Variants in ABCA8 observed in about 807,000 individuals in gnomAD.
ABCA8 encodes the protein ABC-type organic anion transporter ABCA8.
ABCA8 carries 177 observed loss-of-function variants against 192.3 expected under a neutral mutation model. That is an observed-to-expected ratio of 0.92 (90% CI 0.81 to 1.04). The LOEUF (loss-of-function observed/expected upper bound fraction) is 1.04. ABCA8 is among the 50% of genes least tolerant of loss of function. The pLI is 0.00. For missense variants in ABCA8, 1,915 were observed against 1,904.8 expected, an observed-to-expected ratio of 1.01 and a Z score of -0.10; for synonymous variants, 642 against 690.2, an observed-to-expected ratio of 0.93 and a Z score of 1.09.
Position 68,922,345 on chromosome 17 carries a change from T to C in ABCA8, c.1443-45A>G, listed in dbSNP as rs771983978. On this transcript the variant is annotated intron_variant, in intron 11 of 39. Transcript: ENST00000586539. ...CTTCAAAGTGACAATTTTCTTCAGT[T>C]TGTAATTTCCAGTTTGGTAGACAGG... 2.7e-5 allele frequency: 34 copies of C among 1,274,574 alleles called. No homozygotes were observed. The East Asian group carries it at 9.9e-4, about 37-fold the overall frequency. 79.0% of individuals were successfully genotyped at this position (1,274,574 alleles called of 1,614,324 possible). A position where few individuals can be genotyped will look rare whatever the true frequency, so the allele number is the denominator to read the frequency against.
Position 68,918,453 on chromosome 17 carries a change from C to G in ABCA8, c.1882G>C (p.Gly628Arg), listed in dbSNP as rs1469559634. The G allele has an allele frequency of 1.3e-6, 2 of 1,572,190 alleles. No homozygotes were observed. Among genetic ancestry groups the G allele is most frequent in the Admixed American group, 3.6e-5 (2 of 55,724 alleles). The change falls in exon 15 of 40, where the codon GGG (glycine) becomes CGG (arginine). Residue 628 changes from glycine to arginine, a missense_variant. Physicochemically the swap from Gly to Arg is moderately radical, Grantham distance 125. Coordinates refer to ENST00000586539, the MANE Select transcript of ABCA8 (RefSeq NM_001288985.2). ...SGGQKRKLTF[G>R]IAILGDPQIF... The stretch of plus-strand genomic sequence containing the variant: ...TGAGGATCTCCTAAAATGGCAATCC[C>G]AAAGGTTAGCTTTCTTTTCTGTCCA...
intron 4 of ABCA8, 26 bp from the exon 5 acceptor site, chr17:68,937,141 T>C: frequency 6.4e-7 from 1 of 1,556,474 alleles, no homozygotes; most frequent in Non-Finnish European, 8.6e-7. Context: ...GGAATATTAT[T>C]GTTAGTAAAT....
rs763892800 is a variant in ABCA8 at position 68,906,098 on chromosome 17, T to C, written c.2344A>G (p.Thr782Ala). The C allele has an allele frequency of 6.2e-7, 1 of 1,600,736 alleles. No homozygotes were observed. The highest frequency in any genetic ancestry group is 1.7e-5 in the Admixed American group (1 of 57,530). Residue 782 changes from threonine to alanine, a missense_variant, in exon 19 of 40, where the codon ACT becomes GCT. Thr to Ala is a moderately conservative substitution (Grantham distance 58). Transcript: ENST00000586539. Reference protein sequence around the residue: ...GIENYGVSMTTLNEVFLKLEG... With the variant: ...GIENYGVSMTALNEVFLKLEG... ...AGCTTCAGGAATACTTCATTCAAAG[T>C]TGTCATGGAAACACCATAATTCTCA...
Position 68,875,719 on chromosome 17 carries a change from G to A in ABCA8, c.4385C>T (p.Ala1462Val), listed in dbSNP as rs1364337188. 2 of 1,613,668 alleles carry A rather than the reference G, an allele frequency of 1.2e-6. No individual in the cohort carries two copies. Among genetic ancestry groups the A allele is most frequent in the Admixed American group, 1.7e-5 (1 of 59,892 alleles). The change falls in exon 36 of 40, where the codon GCC becomes GTC. Residue 1462 changes from alanine (A) to valine (V), a missense_variant. By Grantham distance (64) the Ala-to-Val change is moderately conservative. Coordinates refer to ENST00000586539, the MANE Select transcript of ABCA8 (RefSeq NM_001288985.2). ...ACCCCTTTCCGTGTTTCTAAAGGTG[G>A]CCCGGATGGCCTGCCTATAATGTCA... Reference protein sequence around the residue: ...GQQQMWQAIRATFRNTERGAL... With the variant: ...GQQQMWQAIRVTFRNTERGAL...
chr17:68,891,032 A>C (rs2066611255), intron 24 of ABCA8, among the ~76,000 whole-genome samples: 2 of 152,340 alleles, frequency 1.3e-5, no homozygotes, highest in South Asian at 4.1e-4. Context: ...TTGTTCCACC[A>C]CAATTTGTTG....
chr17:68,882,328 T>C (rs2066355726), intron 30 of ABCA8, among the ~76,000 whole-genome samples: 1 of 152,262 alleles, frequency 6.6e-6, no homozygotes. Flanking sequence ...GAATTTGTAC[T>C]GTGCACTTTC....
At position 68,868,145 on chromosome 17, in the gene ABCA8, A is replaced by G; in HGVS notation, c.4806T>C (p.Asp1602=). The change falls in exon 40 of 40, where the codon GAT becomes GAC. Residue 1602 remains aspartate (D), a synonymous_variant. Transcript: ENST00000586539. ...CTGAGGGATCAAAATCCTCCTCAAAATCACCCAGCTCCTGCTCCTTGGAGA... is the reference window on the plus strand; with the variant it reads ...CTGAGGGATCAAAATCCTCCTCAAAGTCACCCAGCTCCTGCTCCTTGGAGA... ...LELSKEQELG[D]FEEDFDPSVK... is the part of the protein sequence containing the mutation. 1.2e-6 allele frequency: 2 copies of G among 1,613,222 alleles called. No homozygotes were observed. The highest frequency in any genetic ancestry group is 2.7e-5 in the African/African-American group (2 of 75,004).
chr17:68,900,538 CAAAA>C (rs35696026), intron 21 of ABCA8, among the ~76,000 whole-genome samples: 1,135 of 108,886 alleles, frequency 0.01, 11 homozygotes, highest in African/African-American at 0.035. Context: ...CACAAAGTCT[CAAAA>C]AAAAAAAAAA....
intron 17 of ABCA8, among the ~76,000 whole-genome samples, chr17:68,913,640 T>C (rs2067277984): frequency 6.6e-6 from 1 of 151,944 alleles, no homozygotes; most frequent in South Asian, 2.1e-4. Flanking sequence ...CTAGAAGAAA[T>C]GGACAAATTC....
chr17:68,884,408 A>C lies in ABCA8; in HGVS notation c.3550-12T>G, dbSNP rs2066409146. On this transcript the variant is annotated splice_polypyrimidine_tract_variant and intron_variant, in intron 27 of 39. Coordinates refer to ENST00000586539, the MANE Select transcript of ABCA8 (RefSeq NM_001288985.2). ...GAAGAAAAGAGAAGCTGCAAAAGAAAAGACAATTGCTAAACAGGGAGTTTT... is the reference window on the plus strand; with the variant it reads ...GAAGAAAAGAGAAGCTGCAAAAGAACAGACAATTGCTAAACAGGGAGTTTT... The C allele has an allele frequency of 6.3e-7, 1 of 1,576,408 alleles. No homozygotes were observed. Among genetic ancestry groups the C allele is most frequent in the Non-Finnish European group, 8.6e-7 (1 of 1,167,400 alleles).
intron 1 of ABCA8, among the ~76,000 whole-genome samples, chr17:68,952,591 A>G (rs2068599139): frequency 6.6e-6 from 1 of 152,142 alleles, no homozygotes; most frequent in Non-Finnish European, 1.5e-5. Context: ...GCTTTGATAT[A>G]CTTGGGCTTG....
rs1598275524 is a variant in ABCA8 at position 68,929,847 on chromosome 17, T to C, written c.798-145A>G. 4 of 757,776 alleles carry C rather than the reference T, an allele frequency of 5.3e-6. No individual in the cohort carries two copies. The East Asian group carries it at 8.4e-5, about 16-fold the overall frequency. 46.9% of individuals were successfully genotyped at this position (757,776 alleles called of 1,614,324 possible). On this transcript the variant is annotated intron_variant, in intron 7 of 39. Transcript: ENST00000586539. ...TTTATTTATTGGGTGTTCTAAGATA[T>C]ATAAATACAAGGTAAAAGTTTTGGG... is the stretch of plus-strand genomic sequence containing the variant.
chr17:68,939,194 C>T (rs1434975115), intron 4 of ABCA8, among the ~76,000 whole-genome samples: 1 of 152,106 alleles, frequency 6.6e-6, no homozygotes, highest in Non-Finnish European at 1.5e-5. Context: ...AGCCCTCGAC[C>T]CAGCCTATGA....
At position 68,932,423 on chromosome 17, in the gene ABCA8, A is replaced by T. The variant is rs780691297; in HGVS notation, c.662T>A (p.Ile221Lys). The change falls in exon 7 of 40, where the codon ATA becomes AAA. Residue 221 changes from isoleucine (I) to lysine (K), a missense_variant. By Grantham distance (102) the Ile-to-Lys change is moderately radical (BLOSUM62 -3). Coordinates refer to ENST00000586539, the MANE Select transcript of ABCA8 (RefSeq NM_001288985.2). ...GCAGGAAAAAAGGTACAAATCAGTT[A>T]TAACTCCTGATTGACCAATGAAGGA... ...MHSFIGQSGV[I>K]TDLYLFSCII... The T allele has an allele frequency of 6.2e-7, 1 of 1,613,766 alleles. No individual in the cohort carries two copies. The highest frequency in any genetic ancestry group is 8.5e-7 in the Non-Finnish European group (1 of 1,179,636).
At position 68,929,673 on chromosome 17, in the gene ABCA8, A is replaced by G; in HGVS notation, c.827T>C (p.Phe276Ser). ...WLSWGLLYAG[F>S]IFIMALFLAL... ...CAAGAAAAGGGCCATAATGAAGATG[A>G]AACCAGCATAGAGCAAACCCCAGGA... Residue 276 changes from phenylalanine to serine, a missense_variant, in exon 8 of 40, where the codon TTC (phenylalanine) becomes TCC (serine). Phe to Ser is a radical substitution (Grantham distance 155). Transcript: ENST00000586539. The G allele has an allele frequency of 4.3e-6, 7 of 1,613,774 alleles. No homozygotes were observed. The highest frequency in any genetic ancestry group is 5.9e-6 in the Non-Finnish European group (7 of 1,179,808).
rs2143164828 is a variant in ABCA8, at chr17:68,868,294, G to A, written c.4767+7C>T. 1.2e-6 allele frequency: 2 copies of A among 1,613,398 alleles called. No homozygotes were observed. The highest frequency in any genetic ancestry group is 1.7e-6 in the Non-Finnish European group (2 of 1,179,478). ...ATGGATGATACGAATCCCTAAAAAT[G>A]ACCCACCTGCTCCAGGGTAGACTGT... On this transcript the variant is annotated splice_region_variant and intron_variant, in intron 39 of 39. Transcript: ENST00000586539.
intron 11 of ABCA8, 49 bp downstream of exon 11, chr17:68,924,652 T>C (rs779625122): frequency 6.3e-7 from 1 of 1,581,874 alleles, no homozygotes; most frequent in Non-Finnish European, 8.6e-7. Flanking sequence ...AGGTGCTATC[T>C]CTTAGCTTCC....
chr17:68,942,155 AAG>A, intron 2 of ABCA8, 116 bp from the exon 3 acceptor site: 1 of 724,026 alleles, frequency 1.4e-6, no homozygotes, highest in Non-Finnish European at 2.3e-6. Context: ...AATGAGTGCA[AAG>A]AGTCTGAGTG....
intron 15 of ABCA8, 100 bp from the exon 16 acceptor site, chr17:68,918,285 C>A (rs556070137): frequency 4.0e-6 from 6 of 1,506,206 alleles, no homozygotes; most frequent in Non-Finnish European, 5.4e-6. Flanking sequence ...CAGAGTATTA[C>A]GGTTAGGATT....
Sources: gnomAD v4.1 joint callset for allele counts (sites outside exome capture counted in the v4.1 genomes callset) on GRCh38, gnomAD v4.1.1 for gene constraint, MANE v1.5 for transcripts, NCBI Gene and HGNC (gene_info 2026-07-23, HGNC 2026-07-21) for gene names.